The following TPD52L1 variants were observed in gnomAD, a reference collection of about 807,000 sequenced individuals.
The protein encoded by TPD52L1 is tumor protein D53.
In TPD52L1, 18 loss-of-function variants were observed where a neutral mutation model predicts 28.7. The observed-to-expected ratio is 0.63, with a 90% CI of 0.43 to 0.93. The LOEUF (loss-of-function observed/expected upper bound fraction) is 0.93. Ranked by LOEUF, TPD52L1 falls within the 40% of genes least tolerant of loss-of-function variation. The pLI is 0.00. For synonymous variants in TPD52L1, 75 were observed against 88.8 expected, an observed-to-expected ratio of 0.84 and a Z score of 0.88; for missense variants, 203 against 254.8, an observed-to-expected ratio of 0.80 and a Z score of 1.39.
At chr6:125,209,044 A>T in intron 1 of TPD52L1, 1 of 737,670 alleles carries the variant, frequency 1.4e-6, no homozygotes, top group African/African-American at 1.9e-5. Flanking sequence ...AGCTTTATTT[A>T]TTTCCCATAC....
At chr6:125,259,566 C>G (rs551555815) in intron 6 of TPD52L1, among the ~76,000 whole-genome samples, 1 of 152,204 alleles carries the variant, frequency 6.6e-6, no homozygotes, top group South Asian at 2.1e-4. Flanking sequence ...TCCTGTGAAG[C>G]CACTTTTGGT....
chr6:125,230,115 C>T (rs1795859961), intron 3 of TPD52L1, among the ~76,000 whole-genome samples: 1 of 152,008 alleles, frequency 6.6e-6, no homozygotes, highest in African/African-American at 2.4e-5. Flanking sequence ...ATGGTTTTTG[C>T]TTTGCCATTA....
At chr6:125,214,118 G>T (rs1215985898) in intron 1 of TPD52L1, among the ~76,000 whole-genome samples, 1 of 152,178 alleles carries the variant, frequency 6.6e-6, no homozygotes, top group Non-Finnish European at 1.5e-5. Flanking sequence ...AGCCTGGCAG[G>T]GAGGGAGACA....
At chr6:125,178,272 C>A (rs955632013) in intron 1 of TPD52L1, among the ~76,000 whole-genome samples, 2 of 152,120 alleles carry the variant, frequency 1.3e-5, no homozygotes, top group Admixed American at 6.6e-5. Context: ...ATAAAAATTT[C>A]TATTCTTGTG....
intron 1 of TPD52L1, among the ~76,000 whole-genome samples, chr6:125,195,039 T>C (rs1793326582): frequency 6.6e-6 from 1 of 152,188 alleles, no homozygotes; most frequent in South Asian, 2.1e-4. Flanking sequence ...TACAACATTT[T>C]TCTGACAAAG....
At chr6:125,187,765 AATGTGT>A (rs1251624839) in intron 1 of TPD52L1, among the ~76,000 whole-genome samples, 1 of 152,174 alleles carries the variant, frequency 6.6e-6, no homozygotes, top group Admixed American at 6.5e-5. Flanking sequence ...TTATGTTGTA[AATGTGT>A]ATGTACACAC....
chr6:125,249,502 G>C (rs891897297), intron 4 of TPD52L1, among the ~76,000 whole-genome samples: 2 of 151,486 alleles, frequency 1.3e-5, no homozygotes, highest in Non-Finnish European at 2.9e-5. Flanking sequence ...AACATGGTGA[G>C]ACCCTGTCTC....
rs148384633 is a variant in TPD52L1 at position 125,184,528 on chromosome 6, G to A, written c.19+30558G>A. On this transcript the variant is annotated intron_variant, in intron 1 of 6. Coordinates refer to ENST00000534000, the MANE Select transcript of TPD52L1 (RefSeq NM_003287.4). ...CTTCCAGCACTTTGCAGCAAAGGCAGGTATGTCCACACAGAGAGGGAGAAG... is the reference window on the plus strand; with the variant it reads ...CTTCCAGCACTTTGCAGCAAAGGCAAGTATGTCCACACAGAGAGGGAGAAG... 4.9e-4 allele frequency among the ~76,000 whole-genome samples: 74 copies of A among 152,324 alleles called. No individual in the cohort carries two copies. The East Asian group carries it at 0.013, about 26-fold the overall frequency.
At chr6:125,187,727 T>G (rs560146287) in intron 1 of TPD52L1, among the ~76,000 whole-genome samples, 1 of 152,298 alleles carries the variant, frequency 6.6e-6, no homozygotes, top group African/African-American at 2.4e-5. Context: ...GTATGTATAA[T>G]TATATATACT....
intron 1 of TPD52L1, among the ~76,000 whole-genome samples, chr6:125,165,749 G>A (rs74562746): frequency 0.082 from 12,543 of 152,144 alleles, 565 homozygotes; most frequent in Middle Eastern, 0.11. Context: ...TAGCAAGAGC[G>A]TCTTGTCAAG....
chr6:125,183,210 G>A (rs1488409113), intron 1 of TPD52L1, among the ~76,000 whole-genome samples: 1 of 152,188 alleles, frequency 6.6e-6, no homozygotes, highest in Non-Finnish European at 1.5e-5. Context: ...AGGTGTGGTG[G>A]CTCACACCTA....
At chr6:125,258,032 GC>G (rs1366332717) in intron 6 of TPD52L1, among the ~76,000 whole-genome samples, 1 of 152,176 alleles carries the variant, frequency 6.6e-6, no homozygotes, top group Non-Finnish European at 1.5e-5. Context: ...TTATTCAGCT[GC>G]CTCTGAATCC....
At chr6:125,258,545 T>C (rs1768654376) in intron 6 of TPD52L1, among the ~76,000 whole-genome samples, 2 of 152,210 alleles carry the variant, frequency 1.3e-5, no homozygotes, top group South Asian at 4.1e-4. Context: ...TTAGACAAGT[T>C]CTGACAAAGG....
intron 3 of TPD52L1, among the ~76,000 whole-genome samples, chr6:125,244,829 G>T (rs1796826683): frequency 6.6e-6 from 1 of 152,140 alleles, no homozygotes; most frequent in South Asian, 2.1e-4. Flanking sequence ...CACTGCAATT[G>T]TGTCTCTGCT....
chr6:125,226,449 A>T (rs1159076630), intron 2 of TPD52L1, among the ~76,000 whole-genome samples: 2 of 152,178 alleles, frequency 1.3e-5, no homozygotes, highest in African/African-American at 4.8e-5. Flanking sequence ...GCAGCTCTGA[A>T]TCCTTTCCTC....
rs112602361 is a variant in TPD52L1, at chr6:125,240,182, C to T, written c.285-8100C>T. On this transcript the variant is annotated intron_variant, in intron 3 of 6. Coordinates refer to ENST00000534000, the MANE Select transcript of TPD52L1 (RefSeq NM_003287.4). ...TTCTCTGTTCTCTTCCATTGTTCTA[C>T]GTGCCTATTTTTATACCAGTACCAT... 1.2e-3 allele frequency among the ~76,000 whole-genome samples: 186 copies of T among 152,166 alleles called. 3 individuals are homozygous for T. The highest frequency in any genetic ancestry group is 4.1e-3 in the African/African-American group (170 of 41,542).
chr6:125,181,519 T>C (rs1258669622), intron 1 of TPD52L1, among the ~76,000 whole-genome samples: 1 of 152,216 alleles, frequency 6.6e-6, no homozygotes, highest in Non-Finnish European at 1.5e-5. Context: ...GGGATTTAAA[T>C]ATCAAACTAT....
chr6:125,190,293 T>C (rs147588606), intron 1 of TPD52L1, among the ~76,000 whole-genome samples: 1 of 152,258 alleles, frequency 6.6e-6, no homozygotes, highest in East Asian at 1.9e-4. Flanking sequence ...TCCCTGGTGG[T>C]CCATTTTCTG....
intron 1 of TPD52L1, among the ~76,000 whole-genome samples, chr6:125,171,869 T>G (rs1240024619): frequency 1.3e-5 from 2 of 152,168 alleles, no homozygotes; most frequent in African/African-American, 2.4e-5. Context: ...GGTCATTTGT[T>G]ATGCTGCATT....
Sources: allele counts gnomAD v4.1 joint callset (sites outside exome capture counted in the v4.1 genomes callset), GRCh38; gene constraint gnomAD v4.1.1; transcripts MANE v1.5; gene names NCBI Gene and HGNC (gene_info 2026-07-23, HGNC 2026-07-21).